Variants in TNFRSF10B observed in about 807,000 individuals in gnomAD.
The protein encoded by TNFRSF10B is TNF receptor superfamily member 10b.
In TNFRSF10B, 35 loss-of-function variants were observed where a neutral mutation model predicts 41.4. The observed-to-expected ratio is 0.85, with a 90% confidence interval of 0.65 to 1.12. The LOEUF (loss-of-function observed/expected upper bound fraction) is 1.12. Among genes scored for constraint, TNFRSF10B ranks in the 50% most tolerant of loss-of-function variants. TNFRSF10B has a pLI of 0.00. For missense variants in TNFRSF10B, 584 were observed against 552.7 expected, an observed-to-expected ratio of 1.06 and a Z score of -0.57; for synonymous variants, 230 against 215.5, an observed-to-expected ratio of 1.07 and a Z score of -0.59.
At chr8:23,036,998 C>G (rs1585212867) in intron 2 of TNFRSF10B, among the ~76,000 whole-genome samples, 1 of 152,114 alleles carries the variant, frequency 6.6e-6, no homozygotes, top group African/African-American at 2.4e-5. Flanking sequence ...TGAAGGAAAA[C>G]TGATAACAAG....
chr8:23,050,785 C>A (rs1812501702), intron 1 of TNFRSF10B, among the ~76,000 whole-genome samples: 1 of 152,046 alleles, frequency 6.6e-6, no homozygotes, highest in African/African-American at 2.4e-5. Context: ...CTCAAACATC[C>A]AGTTAAGGCC....
At chr8:23,052,934 G>T (rs1239391788) in intron 1 of TNFRSF10B, among the ~76,000 whole-genome samples, 1 of 152,184 alleles carries the variant, frequency 6.6e-6, no homozygotes, top group Non-Finnish European at 1.5e-5. Flanking sequence ...ATACAAGAAG[G>T]GCTCCTGTAT....
Position 23,022,987 on chromosome 8 carries a change from G to T in TNFRSF10B, c.1010-3C>A. 1 of 1,610,070 alleles carries T rather than the reference G, an allele frequency of 6.2e-7. No individual in the cohort carries two copies. ...GTCATCGAAGCACTGTCTCAGAGCT[G>T]GTGGAGAAAGCCACAGAGACAGCCA... On this transcript the variant is annotated splice_region_variant and splice_polypyrimidine_tract_variant and intron_variant, in intron 8 of 8. Transcript: ENST00000276431.
rs1811538492 is a variant in TNFRSF10B at position 23,021,950 on chromosome 8, T to C, written c.*721A>G. ...TCTTCATGTTCATAAAATAATAACA[T>C]ACAGAATTATAAAAGTAGAAAGGTA... is the stretch of plus-strand genomic sequence containing the variant. On this transcript the variant is annotated 3_prime_UTR_variant, in exon 9 of 9. Transcript: ENST00000276431. 1 of 452,506 alleles carries C rather than the reference T, an allele frequency of 2.2e-6. No individual in the cohort carries two copies. Among genetic ancestry groups the C allele is most frequent in the Non-Finnish European group, 4.4e-6 (1 of 225,940 alleles). The allele number at this position is 452,506 out of a possible 1,614,324, so 28.0% of individuals were successfully genotyped here. A position where few individuals can be genotyped will look rare whatever the true frequency, so the allele number is the denominator to read the frequency against.
intron 1 of TNFRSF10B, among the ~76,000 whole-genome samples, chr8:23,050,843 G>A (rs1470350566): frequency 6.6e-6 from 1 of 152,160 alleles, no homozygotes; most frequent in Non-Finnish European, 1.5e-5. Flanking sequence ...GAAGGCCGAG[G>A]CGGGCTGATC....
chr8:23,036,197 C>T (rs1050527239), intron 2 of TNFRSF10B, among the ~76,000 whole-genome samples: 7 of 152,162 alleles, frequency 4.6e-5, no homozygotes, highest in African/African-American at 1.4e-4. Flanking sequence ...GACTGCTCAT[C>T]GTGAACTGAG....
In TNFRSF10B at chr8:23,028,546, C is replaced by T. The variant is rs147358455; in HGVS notation, c.533G>A (p.Cys178Tyr). Residue 178 changes from cysteine (C) to tyrosine (Y), a missense_variant, in exon 5 of 9, where the codon TGT (cysteine) becomes TAT (tyrosine). Transcript: ENST00000276431. Reference protein sequence around the residue: ...GDCTPWSDIECVHKESGTKHS... With the variant: ...GDCTPWSDIEYVHKESGTKHS... ...CTTTGTACCTGATTCTTTGTGGACA[C>T]ATTCGATGTCACTCCAGGGTGTACA... 5 of 1,613,998 alleles carry T rather than the reference C, an allele frequency of 3.1e-6. No individual in the cohort carries two copies. The African/African-American group carries it at 5.3e-5, about 17-fold the overall frequency.
At chr8:23,055,488 C>G (rs1812636863) in intron 1 of TNFRSF10B, among the ~76,000 whole-genome samples, 2 of 140,016 alleles carry the variant, frequency 1.4e-5, no homozygotes, top group Admixed American at 7.4e-5. Flanking sequence ...TGTTTCAGTA[C>G]TAATCAAGTG....
chr8:23,023,168 C>T (rs1219177310), intron 8 of TNFRSF10B, among the ~76,000 whole-genome samples, 184 bp from the exon 9 acceptor site: 1 of 148,522 alleles, frequency 6.7e-6, no homozygotes, highest in East Asian at 2.0e-4. Flanking sequence ...TGGCCTCCCC[C>T]ACACGCAAGG....
At chr8:23,047,145 G>A (rs1301669921) in intron 1 of TNFRSF10B, among the ~76,000 whole-genome samples, 1 of 152,068 alleles carries the variant, frequency 6.6e-6, no homozygotes, top group African/African-American at 2.4e-5. Flanking sequence ...GGAACCTGAG[G>A]TCGGGAGTTC....
In TNFRSF10B at chr8:23,030,750, G is replaced by T. The variant is rs201140104; in HGVS notation, c.364+9C>A. The T allele has an allele frequency of 6.2e-7, 1 of 1,605,772 alleles. No individual in the cohort carries two copies. On this transcript the variant is annotated intron_variant, in intron 3 of 8. Coordinates refer to ENST00000276431, the MANE Select transcript of TNFRSF10B (RefSeq NM_003842.5). Reference sequence around the variant, plus strand: ...CCACCTTTAGGCATGGGGTCCATATGTTCTGTACCTGAATCACACCTGGTG... The same window carrying T: ...CCACCTTTAGGCATGGGGTCCATATTTTCTGTACCTGAATCACACCTGGTG...
At chr8:23,059,706 G>T (rs1426153464) in intron 1 of TNFRSF10B, among the ~76,000 whole-genome samples, 5 of 151,956 alleles carry the variant, frequency 3.3e-5, no homozygotes, top group East Asian at 1.9e-4. Flanking sequence ...TGGAGACGGG[G>T]TCTCACCATG....
Position 23,044,907 on chromosome 8 carries a change from ATAAAT to A in TNFRSF10B, c.145-1669_145-1665del, listed in dbSNP as rs746203042. Among the ~76,000 whole-genome samples the A allele has an allele frequency of 9.1e-4, 139 of 152,132 alleles. 1 individual carries two copies. Among genetic ancestry groups the A allele is most frequent in the Non-Finnish European group, 1.5e-3 (103 of 67,968 alleles). On this transcript the variant is annotated intron_variant, in intron 1 of 8. Coordinates refer to ENST00000276431, the MANE Select transcript of TNFRSF10B (RefSeq NM_003842.5). The stretch of plus-strand genomic sequence containing the variant: ...AACTAAGAAAAAAGAAAGAAGACAA[ATAAAT>A]TAAATCAAAAATGAATGAGGAGGCC...
intron 7 of TNFRSF10B, among the ~76,000 whole-genome samples, 163 bp downstream of exon 7, chr8:23,026,970 G>A (rs966188755): frequency 2.0e-5 from 3 of 152,096 alleles, no homozygotes; most frequent in South Asian, 2.1e-4. Context: ...AGACTGGCAC[G>A]GTCACCACCT....
intron 6 of TNFRSF10B, 145 bp downstream of exon 6, chr8:23,027,577 C>T: frequency 8.8e-7 from 1 of 1,134,296 alleles, no homozygotes; most frequent in Non-Finnish European, 1.3e-6. Flanking sequence ...CCATGTGTCC[C>T]CCACAGTCAG....
intron 2 of TNFRSF10B, among the ~76,000 whole-genome samples, chr8:23,031,897 TC>T: frequency 6.7e-6 from 1 of 148,450 alleles, no homozygotes. Flanking sequence ...ATGGCACATC[TC>T]AATTTGCAGT....
rs190067887 is a variant in TNFRSF10B at position 23,047,135 on chromosome 8, G to A, written c.145-3892C>T. ...TTATATCAACATAAGAAGTTTCTGC[G>A]GAACCTGAGGTCGGGAGTTCAAGAC... On this transcript the variant is annotated intron_variant, in intron 1 of 8. Coordinates refer to ENST00000276431, the MANE Select transcript of TNFRSF10B (RefSeq NM_003842.5). 1.5e-3 allele frequency among the ~76,000 whole-genome samples: 227 copies of A among 152,096 alleles called. 4 individuals are homozygous for A. Among genetic ancestry groups the A allele is most frequent in the Admixed American group, 8.1e-3 (123 of 15,262 alleles).
chr8:23,027,617 C>T (rs1811743890), intron 6 of TNFRSF10B, 105 bp downstream of exon 6: 2 of 1,519,246 alleles, frequency 1.3e-6, no homozygotes, highest in Non-Finnish European at 9.1e-7. Flanking sequence ...TTCAGAGAGT[C>T]AGGGCAGCCA....
chr8:23,055,212 C>CT (rs1812629718), intron 1 of TNFRSF10B, among the ~76,000 whole-genome samples: 2 of 151,932 alleles, frequency 1.3e-5, no homozygotes, highest in South Asian at 4.2e-4. Context: ...GAACTGAAAA[C>CT]TAGGTGTTTC....
Sources: allele counts gnomAD v4.1 joint callset (sites outside exome capture counted in the v4.1 genomes callset), GRCh38; gene constraint gnomAD v4.1.1; transcripts MANE v1.5; gene names NCBI Gene and HGNC (gene_info 2026-07-23, HGNC 2026-07-21).